PNKP: variants seen among roughly 807,000 people sequenced by gnomAD.
PNKP encodes polynucleotide kinase 3'-phosphatase, also known as bifunctional polynucleotide phosphatase/kinase.
PNKP carries 82 observed loss-of-function variants against 66.2 expected under a neutral mutation model. That is an observed-to-expected ratio of 1.24 (90% CI 1.04 to 1.49). The LOEUF is 1.49. Ranked by LOEUF, PNKP falls within the 40% of genes most tolerant of loss-of-function variation. The pLI, the probability that PNKP is intolerant of heterozygous loss-of-function variation, is 0.00. For synonymous variants in PNKP, 412 were observed against 298.9 expected (o/e 1.38, Z -3.90); for missense variants, 907 against 706.8 (o/e 1.28, Z -3.21).
intron 2 of PNKP, 179 bp downstream of exon 2, chr19:49,866,875 A>C (rs1002955115): frequency 4.2e-5 from 29 of 695,350 alleles, no homozygotes; most frequent in Admixed American, 1.1e-4. Context: ...CCTCTCCCCC[A>C]AAGGATCTAG....
At chr19:49,866,370 C>T in intron 3 of PNKP, 29 bp downstream of exon 3, 2 of 1,606,514 alleles carry the variant, frequency 1.2e-6, no homozygotes, top group Non-Finnish European at 8.5e-7. Context: ...ATCCCCAGGC[C>T]TTGCTGGCCC....
At position 49,865,346 on chromosome 19, in the gene PNKP, C is replaced by T. The variant is rs776136820; in HGVS notation, c.279G>A (p.Leu93=). Residue 93 remains leucine (L), a synonymous_variant, in exon 4 of 17, where the codon CTG becomes CTA. Transcript: ENST00000322344. The part of the protein sequence containing the change: ...LEGSLGVGDT[L]YLVNGLHPLT... ...GTGGGTGGAGGCCATTGACCAAATA[C>T]AGTGTGTCCCCCACCCCCAGAGAGC... The T allele has an allele frequency of 1.9e-6, 3 of 1,613,776 alleles. No homozygotes were observed. Among genetic ancestry groups the T allele is most frequent in the East Asian group, 4.5e-5 (2 of 44,892 alleles).
intron 10 of PNKP, 36 bp from the exon 11 acceptor site, chr19:49,862,499 G>A (rs1188228998): frequency 1.3e-6 from 2 of 1,598,512 alleles, no homozygotes; most frequent in Non-Finnish European, 8.5e-7. Flanking sequence ...CACAGGCCAG[G>A]GTCGGGCTCG....
chr19:49,864,069 C>T lies in PNKP; in HGVS notation c.639G>A (p.Leu213=). 6.2e-7 allele frequency: 1 copy of T among 1,613,862 alleles called. No individual in the cohort carries two copies. Among genetic ancestry groups the T allele is most frequent in the Non-Finnish European group, 8.5e-7 (1 of 1,179,914 alleles). ...LRELEAEGYK[L]VIFTNQMSIG... ...TGCTCATCTGGTTGGTGAAGATCAC[C>T]AGCTGGGGAGCAAAGGGTGTCACCA... Residue 213 remains leucine (L), a splice_region_variant and synonymous_variant, in exon 7 of 17, where the codon CTG becomes CTA. Coordinates refer to ENST00000322344, the MANE Select transcript of PNKP (RefSeq NM_007254.4).
chr19:49,861,953 G>A lies in PNKP; in HGVS notation c.1189-72C>T. ...AGAAGACCCCGAGCGGGGACGGGGA[G>A]GCAATGATGGAGGAAAGCCGCCCCA... is the stretch of plus-strand genomic sequence containing the variant. On this transcript the variant is annotated intron_variant, in intron 13 of 16. Coordinates refer to ENST00000322344, the MANE Select transcript of PNKP (RefSeq NM_007254.4). The A allele has an allele frequency of 3.2e-6, 5 of 1,583,776 alleles. No individual in the cohort carries two copies. In the South Asian group the frequency reaches 3.3e-5, roughly 11 times the overall value.
At chr19:49,863,891 A>T in intron 7 of PNKP, 73 bp downstream of exon 7, 1 of 1,410,172 alleles carries the variant, frequency 7.1e-7, no homozygotes, top group Non-Finnish European at 9.9e-7. Flanking sequence ...CGCCCCGCTT[A>T]CCCTGGAGTC....
At chr19:49,862,851 ACCTTTCATGT>A in intron 8 of PNKP, 113 bp from the exon 9 acceptor site, 1 of 1,129,322 alleles carries the variant, frequency 8.9e-7, no homozygotes. Context: ...TCATCCCCCG[ACCTTTCATGT>A]CCTCACTCTC....
chr19:49,865,601 CTTTTTTTTTTTTTTTTT>C (rs749242089), intron 3 of PNKP, 175 bp from the exon 4 acceptor site: 1 of 288,630 alleles, frequency 3.5e-6, no homozygotes, highest in East Asian at 6.9e-5. Flanking sequence ...TTGTCCGAAT[CTTTTTTTTTTTTTTTTT>C]TTTTTTTCCC....
At position 49,861,774 on chromosome 19, in the gene PNKP, G is replaced by GGC. The variant is rs758087762; in HGVS notation, c.1294_1295dup (p.Arg433ProfsTer35). On this transcript the variant is annotated frameshift_variant, in exon 14 of 17. Coordinates refer to ENST00000322344, the MANE Select transcript of PNKP (RefSeq NM_007254.4). LOFTEE classifies it high-confidence loss of function. ...CTACGGCCCCGCGGTCACGCTACCT[G>GGC]GCGCGGCTCGCGGCGTCTGGGTTTG... is the stretch of plus-strand genomic sequence containing the variant. 1 of 1,563,126 alleles carries GGC rather than the reference G, an allele frequency of 6.4e-7. No homozygotes were observed. The highest frequency in any genetic ancestry group is 1.9e-5 in the Admixed American group (1 of 52,012).
intron 13 of PNKP, 61 bp from the exon 14 acceptor site, chr19:49,861,942 G>A (rs903644862): frequency 8.9e-6 from 14 of 1,573,570 alleles, no homozygotes; most frequent in South Asian, 4.5e-5. Context: ...GACCCCGAGC[G>A]GGGACGGGGA....
At position 49,865,325 on chromosome 19, in the gene PNKP, G is replaced by T; in HGVS notation, c.300C>A (p.His100Gln). 1 of 1,614,058 alleles carries T rather than the reference G, an allele frequency of 6.2e-7. No individual in the cohort carries two copies. The highest frequency in any genetic ancestry group is 8.5e-7 in the Non-Finnish European group (1 of 1,179,902). Reference protein sequence around the residue: ...GDTLYLVNGLHPLTLRWEETR... With the variant: ...GDTLYLVNGLQPLTLRWEETR... ...TCTCTTCCCAGCGCAGGGTCAGTGG[G>T]TGGAGGCCATTGACCAAATACAGTG... Residue 100 changes from histidine (H) to glutamine (Q), a missense_variant, in exon 4 of 17, where the codon CAC becomes CAA. Coordinates refer to ENST00000322344, the MANE Select transcript of PNKP (RefSeq NM_007254.4).
rs546909326 is a variant in PNKP, at chr19:49,863,025, C to T, written c.817-287G>A. ...GCTACAGCTCCAGCCTCCGGCGTGCCGGCGCCTCCCAGGTTCCCCCTCCCT... is the reference window on the plus strand; with the variant it reads ...GCTACAGCTCCAGCCTCCGGCGTGCTGGCGCCTCCCAGGTTCCCCCTCCCT... On this transcript the variant is annotated intron_variant, in intron 8 of 16. Transcript: ENST00000322344. Among the ~76,000 whole-genome samples the T allele has an allele frequency of 5.5e-4, 84 of 152,272 alleles. 1 individual carries two copies. Among genetic ancestry groups the T allele is most frequent in the African/African-American group, 1.9e-3 (77 of 41,550 alleles).
At chr19:49,866,885 G>A (rs2074824405) in intron 2 of PNKP, 169 bp downstream of exon 2, 12 of 748,716 alleles carry the variant, frequency 1.6e-5, no homozygotes, top group Non-Finnish European at 2.7e-5. Flanking sequence ...AAAGGATCTA[G>A]CTAATTCTAA....
chr19:49,861,604 T>A lies in PNKP; in HGVS notation c.1386+4A>T. The A allele has an allele frequency of 6.4e-7, 1 of 1,558,946 alleles. No homozygotes were observed. The highest frequency in any genetic ancestry group is 8.7e-7 in the Non-Finnish European group (1 of 1,152,528). Reference sequence around the variant, plus strand: ...CGGGGGGTGTCCGGGCTGAGCGGGCTCACCCGGTTGTTGTGGCGCGCCTGC... The same window carrying A: ...CGGGGGGTGTCCGGGCTGAGCGGGCACACCCGGTTGTTGTGGCGCGCCTGC... On this transcript the variant is annotated splice_donor_region_variant and intron_variant, in intron 15 of 16. Coordinates refer to ENST00000322344, the MANE Select transcript of PNKP (RefSeq NM_007254.4).
chr19:49,862,015 G>C (rs752773107), intron 13 of PNKP, 29 bp downstream of exon 13: 26 of 1,612,886 alleles, frequency 1.6e-5, no homozygotes, highest in Non-Finnish European at 2.2e-5. Context: ...CTTTATAATA[G>C]ATTTGGGGCG....
rs942243433 is a variant in PNKP at position 49,861,490 on chromosome 19, G to C, written c.1407C>G (p.Ser469=). 2 of 1,613,606 alleles carry C rather than the reference G, an allele frequency of 1.2e-6. No homozygotes were observed. Among genetic ancestry groups the C allele is most frequent in the Admixed American group, 3.3e-5 (2 of 60,004 alleles). The change falls in exon 16 of 17, where the codon TCC becomes TCG. Residue 469 remains serine, a synonymous_variant. Transcript: ENST00000322344. Reference sequence around the variant, plus strand: ...CCATGTCTGACACGGGGATATGAGAGGAGTCCGTCATCTCTCGAAACTGTG... The same window carrying C: ...CCATGTCTGACACGGGGATATGAGACGAGTCCGTCATCTCTCGAAACTGTG... The part of the protein sequence containing the change: ...HNNRFREMTD[S]SHIPVSDMVM...
Position 49,861,303 on chromosome 19 carries a change from CG to C in PNKP, c.1510del (p.Arg504GlyfsTer?), listed in dbSNP as rs771489173. ...GFSAILEIPF[R>X]LWVEPRLGRL... ...CCCCAGCCTCGGCTCCACCCATAGC[CG>C]GAACGGGATCTCCAGGATGGCAGAG... On this transcript the variant is annotated frameshift_variant, in exon 17 of 17. Transcript: ENST00000322344. LOFTEE classifies it high-confidence loss of function. The C allele has an allele frequency of 1.1e-4, 176 of 1,613,996 alleles. No individual in the cohort carries two copies. Among genetic ancestry groups the C allele is most frequent in the Middle Eastern group, 1.6e-4 (1 of 6,082 alleles).
chr19:49,861,821 T>A lies in PNKP; in HGVS notation c.1249A>T (p.Lys417Ter). The A allele has an allele frequency of 6.3e-7, 1 of 1,588,608 alleles. No homozygotes were observed. Among genetic ancestry groups the A allele is most frequent in the Non-Finnish European group, 8.5e-7 (1 of 1,170,128 alleles). The part of the protein sequence containing the change: ...TTCETALKQG[K>*]RVAIDNTNPD... Reference sequence around the variant, plus strand: ...TTTGTGTTGTCGATGGCGACCCGTTTCCCTTGCTTCAGGGCTGTCTCACAC... The same window carrying A: ...TTTGTGTTGTCGATGGCGACCCGTTACCCTTGCTTCAGGGCTGTCTCACAC... Residue 417 changes from lysine (K) to a stop codon, truncating the protein, a stop_gained, in exon 14 of 17, where the codon AAA (lysine) becomes TAA (stop). Coordinates refer to ENST00000322344, the MANE Select transcript of PNKP (RefSeq NM_007254.4). LOFTEE classifies it high-confidence loss of function.
At position 49,864,196 on chromosome 19, in the gene PNKP, C is replaced by T. The variant is rs1355068396; in HGVS notation, c.619G>A (p.Glu207Lys). Residue 207 changes from glutamate to lysine, a missense_variant, in exon 6 of 17, where the codon GAA (glutamate) becomes AAA (lysine). Coordinates refer to ENST00000322344, the MANE Select transcript of PNKP (RefSeq NM_007254.4). Reference sequence around the variant, plus strand: ...GCACATACCTTGTAGCCCTCGGCTTCCAGCTCTCGGAGCTTACGGGGAATC... The same window carrying T: ...GCACATACCTTGTAGCCCTCGGCTTTCAGCTCTCGGAGCTTACGGGGAATC... ...PEIPRKLREL[E>K]AEGYKLVIFT... is the part of the protein sequence containing the mutation. The T allele has an allele frequency of 1.7e-5, 27 of 1,614,186 alleles. No individual in the cohort carries two copies. The highest frequency in any genetic ancestry group is 2.3e-5 in the Non-Finnish European group (27 of 1,180,028).
Sources: allele counts gnomAD v4.1 joint callset (sites outside exome capture counted in the v4.1 genomes callset), GRCh38; gene constraint gnomAD v4.1.1; transcripts MANE v1.5; gene names NCBI Gene and HGNC (gene_info 2026-07-23, HGNC 2026-07-21).